DHRSX: variants seen among roughly 807,000 people sequenced by gnomAD.
DHRSX encodes the protein dehydrogenase/reductase X-linked.
Under a neutral mutation model 34.0 loss-of-function variants are expected in DHRSX, and 31 were observed. That is an observed-to-expected ratio of 0.91 (90% CI 0.69 to 1.23). The LOEUF is 1.23. Among genes scored for constraint, DHRSX ranks in the 50% most tolerant of loss-of-function variants. The pLI, the probability that DHRSX is intolerant of heterozygous loss-of-function variation, is 0.00. For missense variants in DHRSX, 414 were observed against 428.1 expected (o/e 0.97, Z 0.29); for synonymous variants, 201 against 183.8 (o/e 1.09, Z -0.76).
intron 1 of DHRSX, chrX:2,488,513 C>G: frequency 7.8e-7 from 1 of 1,277,594 alleles, no homozygotes; most frequent in Non-Finnish European, 1.1e-6. Flanking sequence ...TTTCCACCTT[C>G]TAGGTGTCAA....
intron 3 of DHRSX, among the ~76,000 whole-genome samples, chrX:2,403,093 G>C (rs867550534): frequency 3.9e-5 from 6 of 152,066 alleles, no homozygotes; most frequent in African/African-American, 1.4e-4. Context: ...ATGTTGGCCA[G>C]GCTGGTCTCG....
intron 3 of DHRSX, among the ~76,000 whole-genome samples, chrX:2,394,761 T>A (rs6642021): frequency 1.3e-5 from 2 of 151,462 alleles, no homozygotes; most frequent in African/African-American, 2.4e-5. Context: ...AGCTACTCAG[T>A]AGGCTGAGGC....
intron 3 of DHRSX, among the ~76,000 whole-genome samples, chrX:2,385,108 ATATG>A (rs1245180649): frequency 2.4e-5 from 3 of 122,614 alleles, no homozygotes; most frequent in Non-Finnish European, 5.3e-5. Flanking sequence ...TCTCAAATAT[ATATG>A]TGTGTGTGTG....
intron 3 of DHRSX, among the ~76,000 whole-genome samples, chrX:2,317,822 A>T (rs1271500299): frequency 6.6e-6 from 1 of 152,158 alleles, no homozygotes; most frequent in African/African-American, 2.4e-5. Flanking sequence ...GAAGATGTCA[A>T]ACATGCATTT....
intron 1 of DHRSX, among the ~76,000 whole-genome samples, chrX:2,484,126 C>G (rs1440024625): frequency 3.3e-5 from 5 of 152,158 alleles, no homozygotes; most frequent in Non-Finnish European, 7.3e-5. Flanking sequence ...GTGCCCACCA[C>G]CATGCCCAGC....
chrX:2,301,404 C>T (rs1318827888), intron 3 of DHRSX, among the ~76,000 whole-genome samples: 1 of 152,082 alleles, frequency 6.6e-6, no homozygotes, highest in East Asian at 1.9e-4. Flanking sequence ...CAGTGCCAGA[C>T]TCCATCTCAA....
At chrX:2,268,624 C>T (rs976852648) in intron 4 of DHRSX, among the ~76,000 whole-genome samples, 1 of 152,210 alleles carries the variant, frequency 6.6e-6, no homozygotes, top group African/African-American at 2.4e-5. Flanking sequence ...TTTTCTTTTA[C>T]ATATGTGTTG....
At chrX:2,271,098 T>TGCTC (rs2041547565) in intron 4 of DHRSX, among the ~76,000 whole-genome samples, 1 of 152,202 alleles carries the variant, frequency 6.6e-6, no homozygotes, top group South Asian at 2.1e-4. Context: ...ATCTTGCTGC[T>TGCTC]GCTCACTCTT....
At chrX:2,444,354 C>A (rs1230836851) in intron 1 of DHRSX, among the ~76,000 whole-genome samples, 1 of 152,176 alleles carries the variant, frequency 6.6e-6, no homozygotes, top group Non-Finnish European at 1.5e-5. Context: ...GTATTTGATT[C>A]CTCTTGAATT....
chrX:2,312,640 A>C (rs981662308), intron 3 of DHRSX, among the ~76,000 whole-genome samples: 33 of 152,136 alleles, frequency 2.2e-4, no homozygotes, highest in Non-Finnish European at 4.4e-4. Flanking sequence ...GGATGGCAGC[A>C]AACTACCATG....
At chrX:2,424,907 C>T (rs926961010) in intron 2 of DHRSX, among the ~76,000 whole-genome samples, 6 of 152,116 alleles carry the variant, frequency 3.9e-5, no homozygotes, top group Non-Finnish European at 5.9e-5. Context: ...TGGGAGGCCA[C>T]GGCAGGCGGA....
chrX:2,442,426 T>C (rs1426494575), intron 1 of DHRSX, among the ~76,000 whole-genome samples: 2 of 151,774 alleles, frequency 1.3e-5, no homozygotes, highest in Non-Finnish European at 2.9e-5. Flanking sequence ...TATATGATGA[T>C]ATATAATTAC....
chrX:2,488,404 A>C (rs73622930), intron 1 of DHRSX: 8,684 of 514,904 alleles, frequency 0.017, 557 homozygotes, highest in African/African-American at 0.14. Context: ...CGATCTCCTG[A>C]CCTCAGCTGA....
chrX:2,459,369 T>C (rs1222836422), intron 1 of DHRSX, among the ~76,000 whole-genome samples: 2 of 151,868 alleles, frequency 1.3e-5, no homozygotes, highest in East Asian at 1.9e-4. Flanking sequence ...GTTAATTAGC[T>C]TGATTGTTAA....
At chrX:2,238,812 T>C (rs1288857542) in intron 6 of DHRSX, among the ~76,000 whole-genome samples, 6 of 151,870 alleles carry the variant, frequency 4.0e-5, no homozygotes, top group African/African-American at 1.5e-4. Context: ...CTCGAACTCC[T>C]GACCTCAAGT....
At chrX:2,448,832 C>T (rs1266629949) in intron 1 of DHRSX, among the ~76,000 whole-genome samples, 11 of 152,140 alleles carry the variant, frequency 7.2e-5, no homozygotes, top group African/African-American at 2.6e-4. Context: ...ACACAGTTTA[C>T]ACGACCATGA....
In DHRSX at chrX:2,294,682, CAGAA is replaced by C. The variant is rs756655090; in HGVS notation, c.287-3083_287-3080del. Among the ~76,000 whole-genome samples, 15 of 142,020 alleles carry C rather than the reference CAGAA, an allele frequency of 1.1e-4. No individual in the cohort carries two copies. The South Asian group carries it at 2.9e-3, about 28-fold the overall frequency. The allele number at this position is 142,020 out of a possible 152,430, so 93.2% of individuals were successfully genotyped here. ...TCTGTCTCAAAAAAAAAAAAAGAGA[CAGAA>C]AGAGGCAAAGAGAGAGAGCGTGACA... On this transcript the variant is annotated intron_variant, in intron 3 of 6. Transcript: ENST00000334651.
intron 3 of DHRSX, among the ~76,000 whole-genome samples, chrX:2,343,563 A>G (rs1193764826): frequency 5.3e-5 from 8 of 152,320 alleles, no homozygotes; most frequent in Admixed American, 3.9e-4. Context: ...GGGCTTCAGC[A>G]GCTCCAAATG....
At chrX:2,480,672 A>G (rs1285463528) in intron 1 of DHRSX, among the ~76,000 whole-genome samples, 1 of 152,050 alleles carries the variant, frequency 6.6e-6, no homozygotes, top group African/African-American at 2.4e-5. Flanking sequence ...TTAAAAAATT[A>G]ACCAGGTGTG....
Sources: allele counts gnomAD v4.1 joint callset (sites outside exome capture counted in the v4.1 genomes callset), GRCh38; gene constraint gnomAD v4.1.1; transcripts MANE v1.5; gene names NCBI Gene and HGNC (gene_info 2026-07-23, HGNC 2026-07-21).